Variants in TRIQK observed in about 807,000 individuals in gnomAD.
The protein encoded by TRIQK is triple QxxK/R motif-containing protein.
A neutral mutation model predicts 10.8 loss-of-function variants in TRIQK; 10 were observed. The ratio of observed to expected loss-of-function variants is 0.92; its 90% CI spans 0.57 to 1.57. The LOEUF (loss-of-function observed/expected upper bound fraction) is 1.57. Ranked by LOEUF, TRIQK falls within the 40% of genes most tolerant of loss-of-function variation. TRIQK has a pLI of 0.00. For synonymous variants in TRIQK, 33 were observed against 33.7 expected (o/e 0.98, Z 0.07); for missense variants, 107 against 97.7 (o/e 1.09, Z -0.40).
At chr8:92,972,985 C>T (rs1812890675) in intron 1 of TRIQK, 1 of 152,190 alleles carries the variant, frequency 6.6e-6, no homozygotes, top group Non-Finnish European at 1.5e-5. Context: ...AAGTTCTCTA[C>T]TATTTCTTGT....
At chr8:92,951,861 G>C (rs896598644) in intron 2 of TRIQK, among the ~76,000 whole-genome samples, 8 of 151,992 alleles carry the variant, frequency 5.3e-5, no homozygotes, top group Admixed American at 5.3e-4. Context: ...TCAACTCCAG[G>C]CATCCTGTCT....
intron 3 of TRIQK, among the ~76,000 whole-genome samples, chr8:92,912,446 AC>A (rs891324252): frequency 1.3e-5 from 2 of 151,914 alleles, no homozygotes; most frequent in African/African-American, 4.8e-5. Flanking sequence ...AAGTTTATTA[AC>A]AATAAACAAC....
intron 1 of TRIQK, among the ~76,000 whole-genome samples, chr8:93,000,373 G>C (rs1056305017): frequency 6.6e-6 from 1 of 152,194 alleles, no homozygotes; most frequent in Non-Finnish European, 1.5e-5. Flanking sequence ...GGTGAAGAAA[G>C]ATCAAAGGCA....
chr8:92,895,458 T>C (rs1337225478), intron 3 of TRIQK, among the ~76,000 whole-genome samples: 1 of 152,096 alleles, frequency 6.6e-6, no homozygotes, highest in Non-Finnish European at 1.5e-5. Flanking sequence ...AAAAACCCTG[T>C]ATTGCCATGA....
intron 3 of TRIQK, among the ~76,000 whole-genome samples, chr8:92,912,598 A>G (rs1012363418): frequency 7.9e-5 from 12 of 151,906 alleles, no homozygotes; most frequent in Non-Finnish European, 1.3e-4. Context: ...GAGAATAGAA[A>G]AACAATGTGG....
intron 3 of TRIQK, among the ~76,000 whole-genome samples, chr8:92,898,426 A>G (rs920298860): frequency 1.3e-5 from 2 of 152,150 alleles, no homozygotes; most frequent in Non-Finnish European, 2.9e-5. Context: ...TATTACTGAG[A>G]TTCACCTGTT....
intron 1 of TRIQK, among the ~76,000 whole-genome samples, chr8:92,991,323 C>T (rs1248402747): frequency 6.6e-6 from 1 of 152,162 alleles, no homozygotes; most frequent in East Asian, 1.9e-4. Flanking sequence ...GCTGTGAGAG[C>T]AACTTCAGCA....
intron 1 of TRIQK, among the ~76,000 whole-genome samples, chr8:92,986,415 C>G (rs897637222): frequency 6.6e-6 from 1 of 151,948 alleles, no homozygotes; most frequent in African/African-American, 2.4e-5. Flanking sequence ...ATATTTGAAC[C>G]CAGAAATTAG....
intron 2 of TRIQK, among the ~76,000 whole-genome samples, chr8:92,943,726 G>C (rs1811385649): frequency 6.6e-6 from 1 of 152,162 alleles, no homozygotes; most frequent in Admixed American, 6.5e-5. Context: ...ACTGCTAGGA[G>C]AAATGCTAGG....
chr8:92,957,115 T>C lies in TRIQK; in HGVS notation c.-180-2551A>G, dbSNP rs1269432905. Among the ~76,000 whole-genome samples the C allele has an allele frequency of 2.6e-5, 4 of 151,862 alleles. No homozygotes were observed. The South Asian group carries it at 6.2e-4, about 24-fold the overall frequency. On this transcript the variant is annotated intron_variant, in intron 1 of 4. Coordinates refer to ENST00000521988, the MANE Select transcript of TRIQK (RefSeq NM_001171797.2). ...ATTAGAACTCAAATCTATCTGATTA[T>C]AGAGCTTACTCTCTTTCCTCTATGT... is the stretch of plus-strand genomic sequence containing the variant.
chr8:92,902,037 A>G (rs931813416), intron 3 of TRIQK, among the ~76,000 whole-genome samples: 2 of 152,112 alleles, frequency 1.3e-5, no homozygotes, highest in African/African-American at 4.8e-5. Context: ...TCAGTTACCC[A>G]AAGTAGCTTG....
chr8:92,947,450 G>A (rs773279956), intron 2 of TRIQK, among the ~76,000 whole-genome samples: 13 of 151,760 alleles, frequency 8.6e-5, no homozygotes, highest in Non-Finnish European at 5.9e-5. Flanking sequence ...TAGGCATGGT[G>A]GTGGACTCCT....
intron 3 of TRIQK, among the ~76,000 whole-genome samples, chr8:92,916,621 A>C (rs756963107): frequency 1.3e-5 from 2 of 152,126 alleles, no homozygotes; most frequent in Non-Finnish European, 2.9e-5. Context: ...GGAATGATTT[A>C]ATGGATTATA....
At chr8:92,976,865 A>C (rs549293301) in intron 1 of TRIQK, among the ~76,000 whole-genome samples, 1 of 152,004 alleles carries the variant, frequency 6.6e-6, no homozygotes, top group Non-Finnish European at 1.5e-5. Context: ...AAGAAATATT[A>C]TATTATTTCA....
chr8:92,916,880 G>A, intron 3 of TRIQK, 49 bp downstream of exon 3: 1 of 1,285,546 alleles, frequency 7.8e-7, no homozygotes. Context: ...GCATAATTGT[G>A]TTTTTATCTC....
intron 1 of TRIQK, among the ~76,000 whole-genome samples, chr8:92,977,789 G>T (rs1419851162): frequency 6.6e-6 from 1 of 151,958 alleles, no homozygotes; most frequent in Non-Finnish European, 1.5e-5. Flanking sequence ...AAATATTCTT[G>T]AGCTTTCTTT....
intron 1 of TRIQK, among the ~76,000 whole-genome samples, chr8:92,975,087 A>G (rs1217643784): frequency 2.6e-5 from 4 of 152,128 alleles, no homozygotes; most frequent in Non-Finnish European, 2.9e-5. Context: ...AACTCCCACA[A>G]TCAAGGATAC....
chr8:92,990,757 C>T (rs1813087834), intron 1 of TRIQK, among the ~76,000 whole-genome samples: 1 of 152,172 alleles, frequency 6.6e-6, no homozygotes, highest in Non-Finnish European at 1.5e-5. Context: ...CATTGCAACC[C>T]GCAGACCAAG....
At chr8:92,960,266 ACAGTGGACTC>A (rs1812385163) in intron 1 of TRIQK, among the ~76,000 whole-genome samples, 1 of 152,058 alleles carries the variant, frequency 6.6e-6, no homozygotes. Context: ...AAATATCCAC[ACAGTGGACTC>A]TATTCTTTAT....
Sources: gnomAD v4.1 joint callset for allele counts (sites outside exome capture counted in the v4.1 genomes callset) on GRCh38, gnomAD v4.1.1 for gene constraint, MANE v1.5 for transcripts, NCBI Gene and HGNC (gene_info 2026-07-23, HGNC 2026-07-21) for gene names.